Variants in CCDC170 observed in about 807,000 individuals in gnomAD.
CCDC170 encodes coiled-coil domain-containing protein 170.
CCDC170 carries 69 observed loss-of-function variants against 72.6 expected under a neutral mutation model. The ratio of observed to expected loss-of-function variants is 0.95; its 90% confidence interval spans 0.78 to 1.16. The LOEUF is 1.16. CCDC170 is among the 50% of genes most tolerant of loss of function. The pLI, the probability that CCDC170 is intolerant of heterozygous loss-of-function variation, is 0.00. For missense variants in CCDC170, 852 were observed against 832.5 expected (o/e 1.02, Z -0.29); for synonymous variants, 300 against 303.9 (o/e 0.99, Z 0.13).
chr6:151,503,296 G>A (rs967852239), intron 1 of CCDC170, among the ~76,000 whole-genome samples: 3 of 152,142 alleles, frequency 2.0e-5, no homozygotes, highest in African/African-American at 7.2e-5. Context: ...ATAACAGGAT[G>A]GAGATGGAAT....
At chr6:151,616,123 A>G (rs1776963896) in intron 10 of CCDC170, among the ~76,000 whole-genome samples, 1 of 152,112 alleles carries the variant, frequency 6.6e-6, no homozygotes, top group African/African-American at 2.4e-5. Flanking sequence ...ATGTTAGGTG[A>G]TCGCCTCTGA....
intron 1 of CCDC170, among the ~76,000 whole-genome samples, chr6:151,523,233 G>A (rs570670372): frequency 7.2e-4 from 109 of 152,158 alleles, no homozygotes; most frequent in Non-Finnish European, 1.1e-3. Context: ...AAATGATGAA[G>A]CAGCATTATT....
intron 1 of CCDC170, 109 bp from the exon 2 acceptor site, chr6:151,536,209 T>C: frequency 5.5e-6 from 7 of 1,262,396 alleles, no homozygotes; most frequent in South Asian, 5.2e-5. Context: ...GTTTGACATA[T>C]TTGGAATACA....
intron 6 of CCDC170, among the ~76,000 whole-genome samples, chr6:151,582,571 T>G (rs950036483): frequency 6.6e-5 from 10 of 152,202 alleles, no homozygotes; most frequent in African/African-American, 2.2e-4. Flanking sequence ...TCCTTTTGTG[T>G]TGCCATAAAA....
rs139755784 is a variant in CCDC170 at position 151,601,588 on chromosome 6, T to G, written c.1710+5011T>G. ...ATATATGTAGATATAAATATCTACA[T>G]CGGTCTATCAATCATCTCTCTATCT... On this transcript the variant is annotated intron_variant, in intron 9 of 10. Transcript: ENST00000239374. 1.6e-4 allele frequency among the ~76,000 whole-genome samples: 25 copies of G among 152,250 alleles called. No homozygotes were observed. In the East Asian group the frequency reaches 4.2e-3, roughly 26 times the overall value.
intron 5 of CCDC170, among the ~76,000 whole-genome samples, chr6:151,569,821 C>T (rs765155425): frequency 6.6e-6 from 1 of 152,174 alleles, no homozygotes; most frequent in Non-Finnish European, 1.5e-5. Context: ...GAGCGACCAT[C>T]CCCAAGGCCT....
At chr6:151,604,345 A>G (rs1368151188) in intron 9 of CCDC170, among the ~76,000 whole-genome samples, 2 of 152,004 alleles carry the variant, frequency 1.3e-5, no homozygotes, top group Non-Finnish European at 2.9e-5. Context: ...AGCTTTTCCC[A>G]CTTCTGAACG....
At chr6:151,551,803 C>T (rs544588937) in intron 5 of CCDC170, among the ~76,000 whole-genome samples, 2 of 152,286 alleles carry the variant, frequency 1.3e-5, no homozygotes, top group Non-Finnish European at 2.9e-5. Context: ...TGAGCCAGAA[C>T]CACCACCAGC....
chr6:151,530,131 C>T lies in CCDC170; in HGVS notation c.58-6187C>T, dbSNP rs76622623. On this transcript the variant is annotated intron_variant, in intron 1 of 10. Transcript: ENST00000239374. ...CAGTATTGTTTTTTCTTTATATTAA[C>T]ATTCTTTTATTTTTGAACTCTAGTT... Among the ~76,000 whole-genome samples, 720 of 152,054 alleles carry T rather than the reference C, an allele frequency of 4.7e-3. 4 individuals carry two copies. Among genetic ancestry groups the T allele is most frequent in the Non-Finnish European group, 7.2e-3 (491 of 67,964 alleles).
chr6:151,588,093 A>G (rs1029422587), intron 7 of CCDC170, among the ~76,000 whole-genome samples: 1 of 152,170 alleles, frequency 6.6e-6, no homozygotes, highest in Admixed American at 6.5e-5. Flanking sequence ...AATGATCGAG[A>G]TGGGTCAGTC....
chr6:151,542,247 T>G (rs1782702969), intron 3 of CCDC170, among the ~76,000 whole-genome samples: 1 of 146,226 alleles, frequency 6.8e-6, no homozygotes, highest in Non-Finnish European at 1.5e-5. Flanking sequence ...TTAAGACAGG[T>G]TTTCACTCTG....
chr6:151,496,384 G>A (rs935451200), intron 1 of CCDC170, among the ~76,000 whole-genome samples: 2 of 152,190 alleles, frequency 1.3e-5, no homozygotes, highest in African/African-American at 4.8e-5. Flanking sequence ...AAAGGAAAAT[G>A]TCCATTAAGC....
At chr6:151,539,272 A>G (rs1562275762) in intron 3 of CCDC170, among the ~76,000 whole-genome samples, 1 of 151,238 alleles carries the variant, frequency 6.6e-6, no homozygotes, top group African/African-American at 2.4e-5. Flanking sequence ...AAAAAAAAAA[A>G]TGTTGTATGT....
chr6:151,593,028 G>A (rs977865131), intron 7 of CCDC170, 79 bp from the exon 8 acceptor site: 2 of 1,451,674 alleles, frequency 1.4e-6, no homozygotes, highest in Non-Finnish European at 1.9e-6. Context: ...AAGCTTGGGA[G>A]AAAGAGGAAG....
Position 151,582,986 on chromosome 6 carries a change from C to CTTTT in CCDC170, c.1093-2882_1093-2879dup, listed in dbSNP as rs35947074. Among the ~76,000 whole-genome samples, 113 of 94,218 alleles carry CTTTT rather than the reference C, an allele frequency of 1.2e-3. 4 individuals are homozygous for CTTTT. Among genetic ancestry groups the CTTTT allele is most frequent in the African/African-American group, 3.1e-3 (63 of 20,578 alleles). 61.8% of individuals were successfully genotyped at this position (94,218 alleles called of 152,430 possible). Reference sequence around the variant, plus strand: ...TATCAGTGTGTTTACTGGAGTAGCACTTTTTTTTTTTTTTTTTTTTTTTTG... The same window carrying CTTTT: ...TATCAGTGTGTTTACTGGAGTAGCACTTTTTTTTTTTTTTTTTTTTTTTTTTTTG... On this transcript the variant is annotated intron_variant, in intron 6 of 10. Coordinates refer to ENST00000239374, the MANE Select transcript of CCDC170 (RefSeq NM_025059.4).
chr6:151,614,046 A>G (rs538422380), intron 9 of CCDC170, among the ~76,000 whole-genome samples: 5 of 152,196 alleles, frequency 3.3e-5, no homozygotes, highest in Non-Finnish European at 5.9e-5. Context: ...GATATTTTTA[A>G]TGATCAGTGA....
intron 3 of CCDC170, among the ~76,000 whole-genome samples, chr6:151,542,611 G>C (rs183520698): frequency 6.6e-6 from 1 of 152,314 alleles, no homozygotes; most frequent in East Asian, 1.9e-4. Flanking sequence ...CAGGCTCTTA[G>C]GTTAGTTCCA....
At chr6:151,534,068 CTTTT>C (rs11359591) in intron 1 of CCDC170, among the ~76,000 whole-genome samples, 2 of 141,542 alleles carry the variant, frequency 1.4e-5, no homozygotes, top group Non-Finnish European at 1.6e-5. Context: ...TCATTCATTC[CTTTT>C]TTTTTTTTTT....
At position 151,503,372 on chromosome 6, in the gene CCDC170, C is replaced by T. The variant is rs138816729; in HGVS notation, c.57+9187C>T. 3.8e-3 allele frequency among the ~76,000 whole-genome samples: 579 copies of T among 152,178 alleles called. 1 individual carries two copies. Among genetic ancestry groups the T allele is most frequent in the African/African-American group, 0.013 (555 of 41,532 alleles). ...GTTGGCTCCCCAAGGAGATAACATG[C>T]TGAATTGGAATAGTCTTAGAAACAG... On this transcript the variant is annotated intron_variant, in intron 1 of 10. Coordinates refer to ENST00000239374, the MANE Select transcript of CCDC170 (RefSeq NM_025059.4).
Sources: gnomAD v4.1 joint callset for allele counts (sites outside exome capture counted in the v4.1 genomes callset) on GRCh38, gnomAD v4.1.1 for gene constraint, MANE v1.5 for transcripts, NCBI Gene and HGNC (gene_info 2026-07-23, HGNC 2026-07-21) for gene names.